NRG3: variants seen among roughly 807,000 people sequenced by gnomAD.
NRG3 encodes the protein neuregulin 3.
NRG3 carries 31 observed loss-of-function variants against 66.9 expected under a neutral mutation model. The observed-to-expected ratio is 0.46, with a 90% CI of 0.35 to 0.63. The LOEUF is 0.63. NRG3 is among the 20% of genes least tolerant of loss of function. The pLI, the probability that NRG3 is intolerant of heterozygous loss-of-function variation, is 0.00. For missense variants in NRG3, 910 were observed against 878.9 expected (o/e 1.04, Z -0.45); for synonymous variants, 393 against 359.4 (o/e 1.09, Z -1.06).
In NRG3 at chr10:82,608,188, T is replaced by C. The variant is rs184441759; in HGVS notation, c.954-130389T>C. Among the ~76,000 whole-genome samples the C allele has an allele frequency of 1.9e-4, 29 of 152,334 alleles. No individual in the cohort carries two copies. The East Asian group carries it at 5.4e-3, about 28-fold the overall frequency. On this transcript the variant is annotated intron_variant, in intron 2 of 8. Transcript: ENST00000372141. Reference sequence around the variant, plus strand: ...ACTTCCATTCTGAATAACAATGTCATTGGATACAGATTTTAGCTTGGTGGG... The same window carrying C: ...ACTTCCATTCTGAATAACAATGTCACTGGATACAGATTTTAGCTTGGTGGG...
chr10:82,042,571 T>A (rs1024775666), intron 1 of NRG3, among the ~76,000 whole-genome samples: 1 of 152,084 alleles, frequency 6.6e-6, no homozygotes, highest in African/African-American at 2.4e-5. Context: ...AATGGACTCA[T>A]GTTGAAGACA....
intron 1 of NRG3, among the ~76,000 whole-genome samples, chr10:81,884,694 A>G (rs1005216751): frequency 2.0e-5 from 3 of 152,176 alleles, no homozygotes; most frequent in Non-Finnish European, 4.4e-5. Context: ...AGGCCATTTT[A>G]TGTAAAAGAC....
chr10:82,212,163 A>G (rs778782411), intron 1 of NRG3, among the ~76,000 whole-genome samples: 1 of 152,190 alleles, frequency 6.6e-6, no homozygotes, highest in African/African-American at 2.4e-5. Flanking sequence ...CTGATATTTG[A>G]CTAACCTATA....
chr10:82,442,805 T>TTTTTTTTTTTTTTTTTTTTTTTTTG lies in NRG3; in HGVS notation c.953+83947_953+83948insTTTTTTTTTTTTTTGTTTTTTTTTT, dbSNP rs2090505401. 1.4e-5 allele frequency among the ~76,000 whole-genome samples: 2 copies of TTTTTTTTTTTTTTTTTTTTTTTTTG among 143,484 alleles called. 1 individual carries two copies. Among genetic ancestry groups the TTTTTTTTTTTTTTTTTTTTTTTTTG allele is most frequent in the Non-Finnish European group, 3.0e-5 (2 of 65,862 alleles). The allele number at this position is 143,484 out of a possible 152,430, so 94.1% of individuals were successfully genotyped here. A position where few individuals can be genotyped will look rare whatever the true frequency, so the allele number is the denominator to read the frequency against. On this transcript the variant is annotated intron_variant, in intron 2 of 8. Transcript: ENST00000372141. ...GTGGATTTTTTTTTTTTTTTTTTTT[T>TTTTTTTTTTTTTTTTTTTTTTTTTG]TTTTTTTTTTAGTGAAATAAGATAC...
chr10:82,109,535 T>TTG (rs747213240), intron 1 of NRG3, among the ~76,000 whole-genome samples: 12,443 of 138,522 alleles, frequency 0.09, 541 homozygotes, highest in Non-Finnish European at 0.12. Flanking sequence ...AAGAATAAGA[T>TTG]TGTGTGTGTG....
In NRG3 at chr10:82,911,410, G is replaced by A. The variant is rs553132541; in HGVS notation, c.1055-40059G>A. Among the ~76,000 whole-genome samples, 15 of 152,082 alleles carry A rather than the reference G, an allele frequency of 9.9e-5. No individual in the cohort carries two copies. In the South Asian group the frequency reaches 2.1e-3, roughly 21 times the overall value. ...ATAGATTCTTTCTGGAAAGTTACAA[G>A]CTATTAATTTAATTCTTTTAATAAA... On this transcript the variant is annotated intron_variant, in intron 4 of 8. Coordinates refer to ENST00000372141, the MANE Select transcript of NRG3 (RefSeq NM_001010848.4).
Position 82,014,259 on chromosome 10 carries a change from A to T in NRG3, c.823+138096A>T, listed in dbSNP as rs1001249094. 2.6e-5 allele frequency among the ~76,000 whole-genome samples: 4 copies of T among 152,212 alleles called. No homozygotes were observed. In the East Asian group the frequency reaches 7.7e-4, roughly 29 times the overall value. On this transcript the variant is annotated intron_variant, in intron 1 of 8. Transcript: ENST00000372141. ...AAGTGCTTTATACTCACACTGTTGCATGTAAACTCCTCAACATTTCTGTGA... is the reference window on the plus strand; with the variant it reads ...AAGTGCTTTATACTCACACTGTTGCTTGTAAACTCCTCAACATTTCTGTGA...
rs891975376 is a variant in NRG3, at chr10:82,946,400, A to G, written c.1055-5069A>G. Among the ~76,000 whole-genome samples, 8 of 151,988 alleles carry G rather than the reference A, an allele frequency of 5.3e-5. No individual in the cohort carries two copies. The East Asian group carries it at 1.6e-3, about 30-fold the overall frequency. On this transcript the variant is annotated intron_variant, in intron 4 of 8. Coordinates refer to ENST00000372141, the MANE Select transcript of NRG3 (RefSeq NM_001010848.4). Reference sequence around the variant, plus strand: ...CTAAAAACACAAAAATTAGCTGGGCATGGTGGCACGCACCTGTAGTCCCAG... The same window carrying G: ...CTAAAAACACAAAAATTAGCTGGGCGTGGTGGCACGCACCTGTAGTCCCAG...
At chr10:82,013,348 A>C (rs1361574685) in intron 1 of NRG3, among the ~76,000 whole-genome samples, 1 of 152,144 alleles carries the variant, frequency 6.6e-6, no homozygotes, top group African/African-American at 2.4e-5. Flanking sequence ...CCCTTGACAC[A>C]TGGGGATTAT....
chr10:82,393,265 C>T (rs2086504217), intron 2 of NRG3, among the ~76,000 whole-genome samples: 1 of 152,078 alleles, frequency 6.6e-6, no homozygotes, highest in South Asian at 2.1e-4. Context: ...AGACATGAGT[C>T]TTAATTGGAT....
chr10:82,345,746 G>A (rs1038481770), intron 1 of NRG3, among the ~76,000 whole-genome samples: 1 of 151,880 alleles, frequency 6.6e-6, no homozygotes. Flanking sequence ...TCCTTGAGCA[G>A]TGGTTTGTAG....
At chr10:82,821,589 G>C (rs567521928) in intron 3 of NRG3, among the ~76,000 whole-genome samples, 1 of 151,754 alleles carries the variant, frequency 6.6e-6, no homozygotes, top group Non-Finnish European at 1.5e-5. Context: ...TATAAACTTA[G>C]TAAGCATAAT....
chr10:82,445,211 G>A (rs957334992), intron 2 of NRG3, among the ~76,000 whole-genome samples: 2 of 151,772 alleles, frequency 1.3e-5, no homozygotes, highest in African/African-American at 2.4e-5. Context: ...AGCTGCCTTG[G>A]CAGATGACTC....
intron 1 of NRG3, among the ~76,000 whole-genome samples, chr10:82,350,866 T>C (rs2083390641): frequency 6.6e-6 from 1 of 151,552 alleles, no homozygotes; most frequent in Non-Finnish European, 1.5e-5. Context: ...AGAGCTCACA[T>C]GTGCTATTGA....
intron 1 of NRG3, among the ~76,000 whole-genome samples, chr10:82,036,867 G>T (rs939910885): frequency 6.6e-5 from 10 of 152,052 alleles, no homozygotes; most frequent in Non-Finnish European, 1.5e-4. Context: ...CATTAATGCC[G>T]AGTTCAAGGT....
intron 1 of NRG3, among the ~76,000 whole-genome samples, chr10:81,900,851 T>A (rs1843998865): frequency 1.3e-5 from 2 of 152,218 alleles, no homozygotes; most frequent in South Asian, 4.1e-4. Context: ...ATATTTTCAG[T>A]TAGCAATATA....
chr10:82,747,323 C>G (rs976122508), intron 3 of NRG3, among the ~76,000 whole-genome samples: 1 of 151,836 alleles, frequency 6.6e-6, no homozygotes, highest in African/African-American at 2.4e-5. Flanking sequence ...CCAATTTTGC[C>G]TGCTTACAGT....
At chr10:82,483,677 C>T (rs754735453) in intron 2 of NRG3, among the ~76,000 whole-genome samples, 4 of 152,278 alleles carry the variant, frequency 2.6e-5, no homozygotes, top group South Asian at 4.1e-4. Context: ...CTGTCACTAA[C>T]GGAGATTTCC....
At chr10:82,233,509 T>C (rs2076601663) in intron 1 of NRG3, among the ~76,000 whole-genome samples, 2 of 152,208 alleles carry the variant, frequency 1.3e-5, no homozygotes, top group South Asian at 4.1e-4. Context: ...AATACAGCCT[T>C]GTTCTGGGCC....
Sources: gnomAD v4.1 joint callset for allele counts (sites outside exome capture counted in the v4.1 genomes callset) on GRCh38, gnomAD v4.1.1 for gene constraint, MANE v1.5 for transcripts, NCBI Gene and HGNC (gene_info 2026-07-23, HGNC 2026-07-21) for gene names.